Variants in PYGB observed in about 807,000 individuals in gnomAD.
The protein encoded by PYGB is glycogen phosphorylase B, also known as glycogen phosphorylase, brain form.
Under a neutral mutation model 94.3 loss-of-function variants are expected in PYGB, and 82 were observed. The ratio of observed to expected loss-of-function variants is 0.87; its 90% CI spans 0.73 to 1.04. The LOEUF (loss-of-function observed/expected upper bound fraction) is 1.04, where lower values mean the gene tolerates loss of function less well. Among genes scored for constraint, PYGB ranks in the 50% least tolerant of loss-of-function variants. The pLI, the probability that PYGB is intolerant of heterozygous loss-of-function variation, is 0.00. For missense variants in PYGB, 1,132 were observed against 1,158.2 expected, an observed-to-expected ratio of 0.98 and a Z score of 0.33; for synonymous variants, 488 against 479.1, an observed-to-expected ratio of 1.02 and a Z score of -0.24.
chr20:25,269,306 T>C (rs2088245642), intron 3 of PYGB, 99 bp downstream of exon 3: 2 of 994,326 alleles, frequency 2.0e-6, no homozygotes, highest in Non-Finnish European at 3.0e-6. Flanking sequence ...TCAGGGTAAA[T>C]TGGCTTTGAG....
At chr20:25,277,588 C>T (rs1207503250) in intron 7 of PYGB, among the ~76,000 whole-genome samples, 1 of 152,192 alleles carries the variant, frequency 6.6e-6, no homozygotes, top group Non-Finnish European at 1.5e-5. Context: ...CCACCTTCCC[C>T]TCTTATCCAC....
At chr20:25,290,682 A>C (rs2088458766) in intron 16 of PYGB, 60 bp downstream of exon 16, 1 of 1,579,918 alleles carries the variant, frequency 6.3e-7, no homozygotes, top group Admixed American at 1.7e-5. Flanking sequence ...CGGGCGTTGT[A>C]CTGGCCCCGG....
chr20:25,248,107 T>G lies in PYGB; in HGVS notation c.-72T>G. The stretch of plus-strand genomic sequence containing the variant: ...GCCAGAGCAGCGGCGCCAGAGCAGC[T>G]GCACCATCCCGGCGTTCGCGTGTGC... On this transcript the variant is annotated 5_prime_UTR_variant, in exon 1 of 20. Transcript: ENST00000216962. 4 of 1,438,880 alleles carry G rather than the reference T, an allele frequency of 2.8e-6. No individual in the cohort carries two copies. Among genetic ancestry groups the G allele is most frequent in the East Asian group, 5.7e-5 (2 of 34,860 alleles). The allele number at this position is 1,438,880 out of a possible 1,614,324, so 89.1% of individuals were successfully genotyped here.
At chr20:25,288,278 C>A in intron 14 of PYGB, 147 bp from the exon 15 acceptor site, 1 of 918,612 alleles carries the variant, frequency 1.1e-6, no homozygotes, top group South Asian at 1.3e-5. Flanking sequence ...TGGCCCTGTG[C>A]CACTGTCACC....
At chr20:25,251,617 A>G (rs1251841295) in intron 1 of PYGB, among the ~76,000 whole-genome samples, 1 of 152,220 alleles carries the variant, frequency 6.6e-6, no homozygotes, top group African/African-American at 2.4e-5. Context: ...GGATCCTGGC[A>G]GTGAAAGCAG....
rs151223737 is a variant in PYGB, at chr20:25,296,201, G to C, written c.2380-169G>C. On this transcript the variant is annotated intron_variant, in intron 19 of 19. Coordinates refer to ENST00000216962, the MANE Select transcript of PYGB (RefSeq NM_002862.4). ...TAGAATGCGGTAGCTTTCCTGGTCC[G>C]TGGGGTCCCCTTTTCAACGAACAAG... Among the ~76,000 whole-genome samples, 5 of 152,254 alleles carry C rather than the reference G, an allele frequency of 3.3e-5. No individual in the cohort carries two copies. In the East Asian group the frequency reaches 9.7e-4, roughly 29 times the overall value.
At chr20:25,277,578 C>T (rs2088325387) in intron 7 of PYGB, among the ~76,000 whole-genome samples, 1 of 152,210 alleles carries the variant, frequency 6.6e-6, no homozygotes, top group African/African-American at 2.4e-5. Context: ...ACACTCTCTG[C>T]CACCTTCCCC....
intron 9 of PYGB, among the ~76,000 whole-genome samples, chr20:25,280,040 CATA>C (rs899157316): frequency 1.3e-5 from 2 of 152,238 alleles, no homozygotes; most frequent in Admixed American, 1.3e-4. Flanking sequence ...CGCACTGGAC[CATA>C]ATGTCACACT....
At position 25,248,210 on chromosome 20, in the gene PYGB, G is replaced by C. The variant is rs1420141042; in HGVS notation, c.32G>C (p.Arg11Pro). 1.3e-6 allele frequency: 2 copies of C among 1,592,930 alleles called. No homozygotes were observed. The highest frequency in any genetic ancestry group is 1.7e-5 in the Admixed American group (1 of 57,470). ...AAGCCGCTGACGGACAGCGAGAAGC[G>C]GAAGCAGATCAGCGTGCGCGGCCTG... MAKPLTDSEK[R>P]KQISVRGLAG... Residue 11 changes from arginine to proline, a missense_variant, in exon 1 of 20, where the codon CGG becomes CCG. By Grantham distance (103) the Arg-to-Pro change is moderately radical. Transcript: ENST00000216962.
intron 7 of PYGB, 28 bp downstream of exon 7, chr20:25,277,354 T>G (rs764509568): frequency 6.6e-7 from 1 of 1,521,122 alleles, no homozygotes; most frequent in South Asian, 1.1e-5. Flanking sequence ...GCACTCTTGC[T>G]CAGGCCGTAT....
intron 16 of PYGB, 92 bp from the exon 17 acceptor site, chr20:25,292,314 G>C: frequency 6.9e-7 from 1 of 1,442,936 alleles, no homozygotes; most frequent in Non-Finnish European, 9.5e-7. Context: ...ACCCAGCCCC[G>C]GGTGGATGGG....
rs1246544591 is a variant in PYGB at position 25,277,468 on chromosome 20, A to C, written c.855+142A>C. The C allele has an allele frequency of 7.0e-6, 5 of 718,642 alleles. No homozygotes were observed. In the African/African-American group the frequency reaches 8.8e-5, roughly 13 times the overall value. 44.5% of individuals were successfully genotyped at this position (718,642 alleles called of 1,614,324 possible). Reference sequence around the variant, plus strand: ...CTGGTGGCCCTCTCGCCTTAGGTGCACACACGATGCCCTTGGGGAGGAGAG... The same window carrying C: ...CTGGTGGCCCTCTCGCCTTAGGTGCCCACACGATGCCCTTGGGGAGGAGAG... On this transcript the variant is annotated intron_variant, in intron 7 of 19. Transcript: ENST00000216962.
At chr20:25,264,247 C>T (rs1229661213) in intron 2 of PYGB, among the ~76,000 whole-genome samples, 1 of 152,166 alleles carries the variant, frequency 6.6e-6, no homozygotes, top group Non-Finnish European at 1.5e-5. Flanking sequence ...CAAAAACTCT[C>T]AATAAACTAG....
At chr20:25,288,615 T>A in intron 15 of PYGB, 132 bp downstream of exon 15, 1 of 1,041,274 alleles carries the variant, frequency 9.6e-7, no homozygotes, top group Middle Eastern at 2.2e-4. Flanking sequence ...CCGGCCCCTC[T>A]GGTATGCCTG....
chr20:25,281,469 A>G (rs2088366681), intron 11 of PYGB, among the ~76,000 whole-genome samples: 1 of 152,164 alleles, frequency 6.6e-6, no homozygotes, highest in Non-Finnish European at 1.5e-5. Context: ...TGAAGGTGGG[A>G]TTCTTAGGTC....
At chr20:25,260,608 A>G (rs1415114486) in intron 2 of PYGB, among the ~76,000 whole-genome samples, 1 of 152,180 alleles carries the variant, frequency 6.6e-6, no homozygotes, top group Non-Finnish European at 1.5e-5. Flanking sequence ...TACTGGGTTC[A>G]TCTCACTGGG....
At chr20:25,294,874 A>G in intron 18 of PYGB, 1 of 1,376,206 alleles carries the variant, frequency 7.3e-7, no homozygotes, top group Non-Finnish European at 1.0e-6. Context: ...GAATCCGGCG[A>G]GGGCTGGGAA....
chr20:25,289,977 A>G (rs1334059384), intron 15 of PYGB: 2 of 532,592 alleles, frequency 3.8e-6, no homozygotes, highest in Non-Finnish European at 7.7e-6. Flanking sequence ...AGTAACAGAC[A>G]TTTCTAAAAG....
At chr20:25,279,412 A>G (rs1265320536) in intron 9 of PYGB, among the ~76,000 whole-genome samples, 2 of 152,172 alleles carry the variant, frequency 1.3e-5, no homozygotes, top group African/African-American at 4.8e-5. Context: ...GTGCATTCTC[A>G]TCTTGAAATT....
Sources: gnomAD v4.1 joint callset for allele counts (sites outside exome capture counted in the v4.1 genomes callset) on GRCh38, gnomAD v4.1.1 for gene constraint, MANE v1.5 for transcripts, NCBI Gene and HGNC (gene_info 2026-07-23, HGNC 2026-07-21) for gene names.